The following USP28 variants were observed in gnomAD, a reference collection of about 807,000 sequenced individuals.
The protein encoded by USP28 is ubiquitin carboxyl-terminal hydrolase 28.
In USP28, 113 loss-of-function variants were observed where a neutral mutation model predicts 145.0. The observed-to-expected ratio is 0.78, with a 90% CI of 0.67 to 0.91. USP28 has a LOEUF of 0.91. USP28 is among the 40% of genes least tolerant of loss of function. The probability of loss-of-function intolerance (pLI) is 0.00; values close to 1 mark genes in which losing one functional copy is unlikely to be tolerated. For synonymous variants in USP28, 447 were observed against 450.9 expected, an observed-to-expected ratio of 0.99 and a Z score of 0.11; for missense variants, 1,201 against 1,289.6, an observed-to-expected ratio of 0.93 and a Z score of 1.05.
intron 1 of USP28, among the ~76,000 whole-genome samples, chr11:113,869,106 C>T (rs1161880494): frequency 1.3e-5 from 2 of 151,928 alleles, no homozygotes; most frequent in African/African-American, 2.4e-5. Context: ...GCCTGGGCAA[C>T]ACAGAGAGAC....
chr11:113,843,135 G>A (rs1945399362), intron 3 of USP28, among the ~76,000 whole-genome samples: 1 of 152,188 alleles, frequency 6.6e-6, no homozygotes. Context: ...GGGAGGCTGA[G>A]GCAGGAGAAT....
chr11:113,841,786 A>T lies in USP28; in HGVS notation c.269-18T>A, dbSNP rs1409781111. On this transcript the variant is annotated intron_variant, in intron 3 of 24. Transcript: ENST00000003302. ...TATAACTTCTGTAAGATAAACAGAA[A>T]TTTAATTAGTCTATATATAGGAAAC... 1 of 1,553,116 alleles carries T rather than the reference A, an allele frequency of 6.4e-7. No individual in the cohort carries two copies.
At chr11:113,801,726 A>T in intron 23 of USP28, 48 bp from the exon 25 acceptor site, 1 of 1,462,838 alleles carries the variant, frequency 6.8e-7, no homozygotes, top group Non-Finnish European at 9.3e-7. Context: ...GAAAAAGATA[A>T]ATATCTCTTT....
At chr11:113,834,449 A>G in intron 5 of USP28, 114 bp from the exon 6 acceptor site, 1 of 673,050 alleles carries the variant, frequency 1.5e-6, no homozygotes, top group Non-Finnish European at 2.3e-6. Flanking sequence ...AAAACTATCA[A>G]CCTGGCAATT....
chr11:113,839,264 C>T (rs1450149175), intron 5 of USP28, among the ~76,000 whole-genome samples: 2 of 152,162 alleles, frequency 1.3e-5, no homozygotes, highest in African/African-American at 4.8e-5. Flanking sequence ...TACACAGGCA[C>T]AGGCACCTCA....
chr11:113,837,024 C>G (rs546854227), intron 5 of USP28, among the ~76,000 whole-genome samples: 1 of 152,306 alleles, frequency 6.6e-6, no homozygotes, highest in Non-Finnish European at 1.5e-5. Flanking sequence ...ATCCCCTTCC[C>G]CACCACAGTG....
At chr11:113,843,356 G>A (rs1188965617) in intron 3 of USP28, among the ~76,000 whole-genome samples, 1 of 151,886 alleles carries the variant, frequency 6.6e-6, no homozygotes, top group Non-Finnish European at 1.5e-5. Flanking sequence ...TGGTAGCCCT[G>A]TTCCACAGGA....
At chr11:113,872,221 C>A (rs1212076240) in intron 1 of USP28, among the ~76,000 whole-genome samples, 2 of 152,116 alleles carry the variant, frequency 1.3e-5, no homozygotes, top group Non-Finnish European at 2.9e-5. Flanking sequence ...ATGCTATTTG[C>A]CAGTAAGTCT....
intron 3 of USP28, among the ~76,000 whole-genome samples, chr11:113,848,449 C>G (rs1267467999): frequency 6.6e-6 from 1 of 152,058 alleles, no homozygotes; most frequent in Admixed American, 6.6e-5. Flanking sequence ...TGCTGGGGAC[C>G]CAAAGCCTTA....
exon 9 of USP28, chr11:113,830,906 G>C: frequency 6.2e-7 from 1 of 1,614,046 alleles, no homozygotes; most frequent in Non-Finnish European, 8.5e-7. Flanking sequence ...CCATAGAACA[G>C]CTGCACCATT....
At chr11:113,868,553 A>C (rs919738835) in intron 1 of USP28, among the ~76,000 whole-genome samples, 1 of 152,168 alleles carries the variant, frequency 6.6e-6, no homozygotes, top group Non-Finnish European at 1.5e-5. Flanking sequence ...TTATAATTCA[A>C]TCATGGTCAT....
intron 5 of USP28, 116 bp downstream of exon 5, chr11:113,840,467 ATAATGCCAGAAAAAC>A: frequency 8.4e-7 from 1 of 1,192,582 alleles, no homozygotes; most frequent in Non-Finnish European, 1.1e-6. Flanking sequence ...TCCATACACA[ATAATGCCAGAAAAAC>A]TCCCCTAATT....
At chr11:113,848,301 C>T (rs1332627540) in intron 3 of USP28, among the ~76,000 whole-genome samples, 1 of 152,160 alleles carries the variant, frequency 6.6e-6, no homozygotes, top group East Asian at 1.9e-4. Flanking sequence ...GCATTTACCC[C>T]AGTTTGGAGA....
At chr11:113,826,706 G>A (rs1210510299) in intron 11 of USP28, among the ~76,000 whole-genome samples, 2 of 151,928 alleles carry the variant, frequency 1.3e-5, no homozygotes, top group Non-Finnish European at 2.9e-5. Flanking sequence ...GATCACCTGA[G>A]GTCGGGAGTT....
chr11:113,806,623 GAAGA>G (rs749629306), intron 18 of USP28, 39 bp from the exon 20 acceptor site: 2 of 1,397,626 alleles, frequency 1.4e-6, no homozygotes, highest in Middle Eastern at 1.9e-4. Flanking sequence ...AGAAAGGAGA[GAAGA>G]AAGGTTCAGC....
intron 1 of USP28, among the ~76,000 whole-genome samples, chr11:113,870,908 C>CA (rs1408685791): frequency 1.3e-5 from 2 of 152,132 alleles, no homozygotes; most frequent in African/African-American, 4.8e-5. Context: ...AAGGTGGAGA[C>CA]AACAGCTGGA....
chr11:113,820,065 AG>A (rs1358639759), intron 12 of USP28, among the ~76,000 whole-genome samples: 1 of 152,222 alleles, frequency 6.6e-6, no homozygotes, highest in African/African-American at 2.4e-5. Flanking sequence ...CTACTGCTCA[AG>A]GTCATTGCCA....
intron 1 of USP28, among the ~76,000 whole-genome samples, chr11:113,870,344 T>C (rs1241691065): frequency 6.6e-6 from 1 of 151,976 alleles, no homozygotes; most frequent in African/African-American, 2.4e-5. Flanking sequence ...CTGGGCAACA[T>C]AGCAAGACCT....
Position 113,802,390 on chromosome 11 carries a change from T to C in USP28, c.2863-712A>G, listed in dbSNP as rs188041321. Among the ~76,000 whole-genome samples, 10 of 152,350 alleles carry C rather than the reference T, an allele frequency of 6.6e-5. No individual in the cohort carries two copies. The South Asian group carries it at 8.3e-4, about 13-fold the overall frequency. ...ATTGAGTATATGTCATGACTTAATC[T>C]CACCCATTCGGTATGAACAAGGTAA... On this transcript the variant is annotated intron_variant, in intron 23 of 24. Coordinates refer to ENST00000003302, the Ensembl canonical transcript of USP28.
Sources: allele counts gnomAD v4.1 joint callset (sites outside exome capture counted in the v4.1 genomes callset), GRCh38; gene constraint gnomAD v4.1.1; transcripts MANE v1.5; gene names NCBI Gene and HGNC (gene_info 2026-07-23, HGNC 2026-07-21).